Variants in FAM13A observed in about 807,000 individuals in gnomAD.
The protein encoded by FAM13A is family with sequence similarity 13 member A.
In FAM13A, 76 loss-of-function variants were observed where a neutral mutation model predicts 129.6. The observed-to-expected ratio is 0.59, with a 90% confidence interval of 0.49 to 0.71. FAM13A has a LOEUF of 0.71. FAM13A is among the 30% of genes least tolerant of loss of function. FAM13A has a pLI of 0.00. For synonymous variants in FAM13A, 443 were observed against 449.9 expected, an observed-to-expected ratio of 0.98 and a Z score of 0.20; for missense variants, 1,108 against 1,249.3, an observed-to-expected ratio of 0.89 and a Z score of 1.70.
At position 88,750,001 on chromosome 4, in the gene FAM13A, G is replaced by T. The variant is rs184016957; in HGVS notation, c.1941-92C>A. 2,691 of 1,366,292 alleles carry T rather than the reference G, an allele frequency of 2.0e-3. 7 individuals are homozygous for T. Among genetic ancestry groups the T allele is most frequent in the Non-Finnish European group, 2.3e-3 (2,297 of 981,666 alleles). 84.6% of individuals were successfully genotyped at this position (1,366,292 alleles called of 1,614,324 possible). On this transcript the variant is annotated intron_variant, in intron 15 of 23. Transcript: ENST00000264344. ...GGAAGTGGGACACCATGTGGCATGC[G>T]GTGGTGGGGTGGGGGCAGTGCGGAG...
intron 7 of FAM13A, among the ~76,000 whole-genome samples, chr4:88,834,991 G>C (rs1441425379): frequency 2.6e-5 from 4 of 151,324 alleles, no homozygotes; most frequent in African/African-American, 9.7e-5. Context: ...ACTTATTTTG[G>C]TCTTGTTCAC....
chr4:88,943,479 T>C (rs1755121255), intron 4 of FAM13A, among the ~76,000 whole-genome samples: 1 of 152,350 alleles, frequency 6.6e-6, no homozygotes, highest in Non-Finnish European at 1.5e-5. Context: ...ATAACCAAAC[T>C]TGCTTGTCAA....
At chr4:88,893,642 G>GAATAAATA (rs55794702) in intron 6 of FAM13A, among the ~76,000 whole-genome samples, 17,057 of 125,898 alleles carry the variant, frequency 0.14, 1,410 homozygotes, top group Non-Finnish European at 0.19. Context: ...ATGAATGAAT[G>GAATAAATA]AATAAATAAA....
chr4:88,745,169 G>C (rs925556083), intron 19 of FAM13A, among the ~76,000 whole-genome samples: 1 of 151,224 alleles, frequency 6.6e-6, no homozygotes, highest in South Asian at 2.1e-4. Flanking sequence ...ATAAACGTCT[G>C]TGTGTGTGTG....
chr4:89,010,166 A>G (rs919027057), intron 3 of FAM13A, among the ~76,000 whole-genome samples: 1 of 152,144 alleles, frequency 6.6e-6, no homozygotes, highest in African/African-American at 2.4e-5. Context: ...GTATGTACTG[A>G]CCTTGTATGG....
chr4:88,953,819 T>C (rs906417091), intron 4 of FAM13A, among the ~76,000 whole-genome samples: 16 of 152,330 alleles, frequency 1.1e-4, no homozygotes, highest in East Asian at 5.8e-4. Flanking sequence ...TTCTATTGTA[T>C]GTATATACCT....
At chr4:88,977,895 T>G (rs1198684289) in intron 4 of FAM13A, among the ~76,000 whole-genome samples, 1 of 152,146 alleles carries the variant, frequency 6.6e-6, no homozygotes, top group Non-Finnish European at 1.5e-5. Context: ...AAAAAATAAC[T>G]GAACATCTAG....
At chr4:88,796,486 T>C (rs896395127) in intron 8 of FAM13A, among the ~76,000 whole-genome samples, 1 of 152,098 alleles carries the variant, frequency 6.6e-6, no homozygotes, top group Non-Finnish European at 1.5e-5. Flanking sequence ...TTATTAATTT[T>C]ACAAAATTCT....
At chr4:88,772,827 T>C (rs1212285125) in intron 11 of FAM13A, among the ~76,000 whole-genome samples, 2 of 152,184 alleles carry the variant, frequency 1.3e-5, no homozygotes, top group African/African-American at 4.8e-5. Flanking sequence ...AAAAATCAGA[T>C]GGTTGTATGG....
chr4:88,726,588 A>C lies in FAM13A; in HGVS notation c.*1945T>G, dbSNP rs1208607534. ...AAGCTAACTGGTAATGATCTGATTA[A>C]TATCATAGCTTATTTAAGAGAGCTA... is the stretch of plus-strand genomic sequence containing the variant. On this transcript the variant is annotated 3_prime_UTR_variant, in exon 24 of 24. Coordinates refer to ENST00000264344, the MANE Select transcript of FAM13A (RefSeq NM_014883.4). The C allele has an allele frequency of 6.6e-6, 1 of 152,638 alleles. No individual in the cohort carries two copies. The highest frequency in any genetic ancestry group is 1.5e-5 in the Non-Finnish European group (1 of 68,040). The allele number at this position is 152,638 out of a possible 1,614,324, so 9.5% of individuals were successfully genotyped here.
intron 6 of FAM13A, among the ~76,000 whole-genome samples, chr4:88,874,865 G>A (rs1420852520): frequency 2.0e-5 from 3 of 152,144 alleles, no homozygotes; most frequent in Non-Finnish European, 4.4e-5. Flanking sequence ...AAAGCTGGAG[G>A]CATCACGCTA....
chr4:88,731,397 T>C lies in FAM13A; in HGVS notation c.2875A>G (p.Arg959Gly), dbSNP rs368810193. 1.1e-5 allele frequency: 18 copies of C among 1,605,546 alleles called. No homozygotes were observed. In the East Asian group the frequency reaches 3.1e-4, roughly 28 times the overall value. The change falls in exon 23 of 24, where the codon AGA becomes GGA. Residue 959 changes from arginine to glycine, a missense_variant. By Grantham distance (125) the Arg-to-Gly change is moderately radical (BLOSUM62 -2). Around this residue, in one of 3 missense-constraint regions of FAM13A, gnomAD observed 529 missense variants for 621.2 expected, o/e 0.85. Coordinates refer to ENST00000264344, the MANE Select transcript of FAM13A (RefSeq NM_014883.4). Reference protein sequence around the residue: ...PELLEHLQEMREEKKRIRKKL... With the variant: ...PELLEHLQEMGEEKKRIRKKL... ...TTTCGAATCCTTTTCTTTTCTTCTCTCATTTCCTGGAGGTGTTCCAGGAGT... is the reference window on the plus strand; with the variant it reads ...TTTCGAATCCTTTTCTTTTCTTCTCCCATTTCCTGGAGGTGTTCCAGGAGT...
At chr4:88,842,042 C>T (rs1353286035) in intron 7 of FAM13A, among the ~76,000 whole-genome samples, 4 of 152,132 alleles carry the variant, frequency 2.6e-5, no homozygotes, top group Non-Finnish European at 4.4e-5. Flanking sequence ...AAATGTGGTT[C>T]ATACATACAA....
chr4:88,743,111 C>T (rs191189195), intron 19 of FAM13A, among the ~76,000 whole-genome samples: 2 of 152,214 alleles, frequency 1.3e-5, no homozygotes, highest in Admixed American at 6.5e-5. Flanking sequence ...GAAAGCAGCA[C>T]TTCCACTCCG....
At chr4:88,934,817 A>G (rs1753594483) in intron 5 of FAM13A, among the ~76,000 whole-genome samples, 1 of 152,230 alleles carries the variant, frequency 6.6e-6, no homozygotes, top group Non-Finnish European at 1.5e-5. Flanking sequence ...CTATTTGCCA[A>G]ATTCAACAAA....
chr4:88,737,294 G>A (rs549554996), intron 21 of FAM13A, among the ~76,000 whole-genome samples, 178 bp downstream of exon 21: 2 of 152,302 alleles, frequency 1.3e-5, no homozygotes, highest in African/African-American at 4.8e-5. Flanking sequence ...GGAGAAATTA[G>A]CACTCTTTAG....
intron 11 of FAM13A, among the ~76,000 whole-genome samples, chr4:88,768,711 C>T (rs1746185158): frequency 6.6e-6 from 1 of 151,924 alleles, no homozygotes; most frequent in African/African-American, 2.4e-5. Context: ...TTTCTTTTTA[C>T]AATATTTAAT....
chr4:88,849,075 T>C (rs922371830), intron 7 of FAM13A, among the ~76,000 whole-genome samples: 1 of 152,232 alleles, frequency 6.6e-6, no homozygotes. Flanking sequence ...GTATTTTATG[T>C]TTCTCAAGAG....
chr4:88,878,857 A>G (rs1025570740), intron 6 of FAM13A, among the ~76,000 whole-genome samples: 4 of 152,220 alleles, frequency 2.6e-5, no homozygotes, highest in African/African-American at 9.7e-5. Context: ...AAACTTATGG[A>G]GCCTGATAGT....
Sources: gnomAD v4.1 joint callset for allele counts (sites outside exome capture counted in the v4.1 genomes callset) on GRCh38, gnomAD v4.1.1 for gene constraint, gnomAD v4.1.1 regional missense constraint, MANE v1.5 for transcripts, NCBI Gene and HGNC (gene_info 2026-07-23, HGNC 2026-07-21) for gene names.